Variants in FAT4 observed in about 807,000 individuals in gnomAD.
The protein encoded by FAT4 is protocadherin Fat 4.
Under a neutral mutation model 303.9 loss-of-function variants are expected in FAT4, and 84 were observed. The ratio of observed to expected loss-of-function variants is 0.28; its 90% CI spans 0.23 to 0.33. The LOEUF is 0.33. Ranked by LOEUF, FAT4 falls within the 10% of genes least tolerant of loss-of-function variation. The pLI is 1.00. For missense variants in FAT4, 6,005 were observed against 6,146.8 expected, an observed-to-expected ratio of 0.98 and a Z score of 0.77; for synonymous variants, 2,307 against 2,298.8, an observed-to-expected ratio of 1.00 and a Z score of -0.10.
At position 125,490,647 on chromosome 4, in the gene FAT4, C is replaced by A. The variant is rs1405025126; in HGVS notation, c.13831C>A (p.Pro4611Thr). Residue 4611 changes from proline (P) to threonine (T), a missense_variant, in exon 18 of 18, where the codon CCT becomes ACT. By Grantham distance (38) the Pro-to-Thr change is conservative (BLOSUM62 -1). Transcript: ENST00000394329. ...PHNSETIPSA[P>T]LASPEQEIEH... The stretch of plus-strand genomic sequence containing the variant: ...CAACTCAGAAACCATCCCCAGCGCC[C>A]CTTTGGCATCTCCAGAGCAGGAGAT... 1.2e-6 allele frequency: 2 copies of A among 1,614,156 alleles called. No homozygotes were observed. Among genetic ancestry groups the A allele is most frequent in the Non-Finnish European group, 8.5e-7 (1 of 1,180,042 alleles).
In FAT4 at chr4:125,352,902, A is replaced by C. The variant is rs566789124; in HGVS notation, c.5175+31316A>C. On this transcript the variant is annotated intron_variant, in intron 2 of 17. Coordinates refer to ENST00000394329, the MANE Select transcript of FAT4 (RefSeq NM_001291303.3). ...ACTGGATGCAGTGATGTATTAAAAAAATGATTTATTTCCATATTGCTGTTT... is the reference window on the plus strand; with the variant it reads ...ACTGGATGCAGTGATGTATTAAAAACATGATTTATTTCCATATTGCTGTTT... 7.1e-4 allele frequency among the ~76,000 whole-genome samples: 108 copies of C among 151,940 alleles called. 1 individual carries two copies. In the South Asian group the frequency reaches 0.022, roughly 31 times the overall value.
In FAT4 at chr4:125,415,789, C is replaced by T. The variant is rs771792076; in HGVS notation, c.6826C>T (p.Pro2276Ser). ...TGTCCCTGAGAATTTAGGGACACTACCCAGAACAATTCTTCAGGTCAGTAT... is the reference window on the plus strand; with the variant it reads ...TGTCCCTGAGAATTTAGGGACACTATCCAGAACAATTCTTCAGGTCAGTAT... Reference protein sequence around the residue: ...VNVPENLGTLPRTILQVVARD... With the variant: ...VNVPENLGTLSRTILQVVARD... The change falls in exon 6 of 18, where the codon CCC becomes TCC. Residue 2276 changes from proline (P) to serine (S), a missense_variant. Coordinates refer to ENST00000394329, the MANE Select transcript of FAT4 (RefSeq NM_001291303.3). The T allele has an allele frequency of 2.5e-6, 4 of 1,610,434 alleles. No homozygotes were observed. In the Admixed American group the frequency reaches 6.7e-5, roughly 27 times the overall value.
At chr4:125,358,021 C>G (rs922526520) in intron 2 of FAT4, among the ~76,000 whole-genome samples, 1 of 152,020 alleles carries the variant, frequency 6.6e-6, no homozygotes, top group East Asian at 1.9e-4. Flanking sequence ...GTAAGCCAGA[C>G]CAGAATTCTT....
rs752608606 is a variant in FAT4 at position 125,316,891 on chromosome 4, C to G, written c.480C>G (p.Thr160=). ...SGRQVILDTA[T]DSDIGSNGVD... is the part of the protein sequence containing the mutation. ...GCCAAGTCATCTTAGACACCGCCACCGACTCGGACATCGGCTCAAACGGTG... is the reference window on the plus strand; with the variant it reads ...GCCAAGTCATCTTAGACACCGCCACGGACTCGGACATCGGCTCAAACGGTG... Residue 160 remains threonine, a synonymous_variant, in exon 2 of 18, where the codon ACC becomes ACG. Transcript: ENST00000394329. This position sits in a 1 kb window ranked among gnomAD's most constrained non-coding sequence, Gnocchi z 5.7. The G allele has an allele frequency of 6.2e-7, 1 of 1,614,022 alleles. No homozygotes were observed. Among genetic ancestry groups the G allele is most frequent in the Admixed American group, 1.7e-5 (1 of 60,022 alleles).
intron 2 of FAT4, among the ~76,000 whole-genome samples, chr4:125,374,263 A>G (rs1733232640): frequency 6.6e-6 from 1 of 152,202 alleles, no homozygotes; most frequent in Non-Finnish European, 1.5e-5. Context: ...GAGTGTAAGG[A>G]AAGAATGTAA....
chr4:125,448,489 A>C lies in FAT4; in HGVS notation c.7479A>C (p.Thr2493=). 1.9e-6 allele frequency: 3 copies of C among 1,609,934 alleles called. No individual in the cohort carries two copies. Among genetic ancestry groups the C allele is most frequent in the Admixed American group, 1.7e-5 (1 of 59,696 alleles). The change falls in exon 10 of 18, where the codon ACA becomes ACC. Residue 2493 remains threonine (T), a synonymous_variant. Coordinates refer to ENST00000394329, the MANE Select transcript of FAT4 (RefSeq NM_001291303.3). ...CCTTTGTCTTTGCGGTTACAGTCAC[A>C]GATGCTGATATTGGACCAAATTCTG... ...PGSFVFAVTV[T]DADIGPNSEL...
chr4:125,350,340 G>A (rs1339282163), intron 2 of FAT4, among the ~76,000 whole-genome samples: 1 of 151,660 alleles, frequency 6.6e-6, no homozygotes, highest in Admixed American at 6.6e-5. Context: ...TAGATTTTGG[G>A]TTGGCCTTAC....
chr4:125,477,544 CATATAT>C (rs34261234), intron 14 of FAT4: 11,328 of 315,550 alleles, frequency 0.036, no homozygotes, highest in East Asian at 0.06. Flanking sequence ...GATTCTTATA[CATATAT>C]ATATATATAT....
intron 16 of FAT4, among the ~76,000 whole-genome samples, chr4:125,484,327 T>C (rs1434692407): frequency 6.6e-6 from 1 of 152,066 alleles, no homozygotes; most frequent in Non-Finnish European, 1.5e-5. Flanking sequence ...GTGTAAAACT[T>C]TGTAGGCCAA....
At chr4:125,341,510 G>A (rs1007707575) in intron 2 of FAT4, among the ~76,000 whole-genome samples, 17 of 152,168 alleles carry the variant, frequency 1.1e-4, no homozygotes, top group African/African-American at 3.8e-4. Flanking sequence ...TAATAAAAAT[G>A]ATTAATGAAA....
chr4:125,371,609 C>A (rs1733116042), intron 2 of FAT4, among the ~76,000 whole-genome samples: 1 of 151,732 alleles, frequency 6.6e-6, no homozygotes, highest in South Asian at 2.1e-4. Flanking sequence ...AATTTCTAGA[C>A]CTTGCCTCAG....
At chr4:125,432,539 C>T (rs1434304214) in intron 7 of FAT4, among the ~76,000 whole-genome samples, 2 of 152,038 alleles carry the variant, frequency 1.3e-5, no homozygotes, top group Non-Finnish European at 2.9e-5. Context: ...ACATTCATAT[C>T]TATTTTGTGT....
intron 2 of FAT4, among the ~76,000 whole-genome samples, chr4:125,345,857 A>G (rs1160679161): frequency 1.3e-5 from 2 of 152,116 alleles, no homozygotes; most frequent in Non-Finnish European, 2.9e-5. Context: ...GCCAAAGAGA[A>G]CGGTATTAGT....
intron 10 of FAT4, among the ~76,000 whole-genome samples, chr4:125,458,411 G>C (rs1439953301): frequency 1.3e-5 from 2 of 151,710 alleles, no homozygotes; most frequent in Non-Finnish European, 2.9e-5. Context: ...AAATTACTAC[G>C]GTCATGTATT....
chr4:125,358,955 TA>T (rs1732542101), intron 2 of FAT4, among the ~76,000 whole-genome samples: 1 of 152,188 alleles, frequency 6.6e-6, no homozygotes, highest in Non-Finnish European at 1.5e-5. Flanking sequence ...ACAAGTTTGT[TA>T]TACAAAACAT....
intron 12 of FAT4, among the ~76,000 whole-genome samples, chr4:125,472,545 A>G (rs532619879): frequency 6.6e-6 from 1 of 152,274 alleles, no homozygotes; most frequent in South Asian, 2.1e-4. Flanking sequence ...TATAATATTA[A>G]TTATTTTTGA....
At chr4:125,433,848 G>T (rs577132695) in intron 7 of FAT4, among the ~76,000 whole-genome samples, 1 of 150,384 alleles carries the variant, frequency 6.6e-6, no homozygotes, top group East Asian at 2.0e-4. Flanking sequence ...ACATTGCCTT[G>T]TTAGTTGGCC....
Position 125,477,357 on chromosome 4 carries a change from T to C in FAT4, c.12479+23T>C, listed in dbSNP as rs923692601. 5 of 1,518,306 alleles carry C rather than the reference T, an allele frequency of 3.3e-6. No homozygotes were observed. In the African/African-American group the frequency reaches 7.1e-5, roughly 22 times the overall value. The allele number at this position is 1,518,306 out of a possible 1,614,324, so 94.1% of individuals were successfully genotyped here. A position where few individuals can be genotyped will look rare whatever the true frequency, so the allele number is the denominator to read the frequency against. On this transcript the variant is annotated intron_variant, in intron 14 of 17. Coordinates refer to ENST00000394329, the MANE Select transcript of FAT4 (RefSeq NM_001291303.3). ...TCAGTATGGCGATTTTATTTCTTAC[T>C]GTTTTAAAGAAAAAAAATGCAAAAA...
Position 125,434,382 on chromosome 4 carries a change from G to C in FAT4, c.7156G>C (p.Val2386Leu). 2 of 1,614,048 alleles carry C rather than the reference G, an allele frequency of 1.2e-6. No homozygotes were observed. The highest frequency in any genetic ancestry group is 1.7e-6 in the Non-Finnish European group (2 of 1,179,968). ...ACCAACTGGAACAGATGTTTTATTG[G>C]TAAATGCCTCAGATGCTGATGCTTC... Reference protein sequence around the residue: ...DAPTGTDVLLVNASDADASKN... With the variant: ...DAPTGTDVLLLNASDADASKN... Residue 2386 changes from valine to leucine, a missense_variant, in exon 8 of 18, where the codon GTA becomes CTA. Transcript: ENST00000394329.
Sources: allele counts gnomAD v4.1 joint callset (sites outside exome capture counted in the v4.1 genomes callset), GRCh38; gene constraint gnomAD v4.1.1; non-coding constraint Gnocchi (gnomAD v3.1); transcripts MANE v1.5; gene names NCBI Gene and HGNC (gene_info 2026-07-23, HGNC 2026-07-21).